ZNF875: variants seen among roughly 807,000 people sequenced by gnomAD.
ZNF875 encodes HKR1, GLI-Kruppel zinc finger family member.
A neutral mutation model predicts 11.2 loss-of-function variants in ZNF875; 14 were observed. The ratio of observed to expected loss-of-function variants is 1.26; its 90% CI spans 0.83 to 1.96. ZNF875 has a LOEUF of 1.96. ZNF875 is among the 30% of genes most tolerant of loss of function. The probability of loss-of-function intolerance (pLI) is 0.00; values close to 1 mark genes in which losing one functional copy is unlikely to be tolerated. For synonymous variants in ZNF875, 301 were observed against 281.1 expected (o/e 1.07, Z -0.71); for missense variants, 752 against 760.4 (o/e 0.99, Z 0.13).
rs577380112 is a variant in ZNF875 at position 37,335,294 on chromosome 19, A to G, written c.33+37A>G. 3 of 685,600 alleles carry G rather than the reference A, an allele frequency of 4.4e-6. No homozygotes were observed. In the East Asian group the frequency reaches 8.2e-5, roughly 19 times the overall value. 42.5% of individuals were successfully genotyped at this position (685,600 alleles called of 1,614,324 possible). ...CTGTAATTCTATCTTGGCTGTCAAC[A>G]GAATGGGTCCCATTACCTTTTCTTG... On this transcript the variant is annotated intron_variant, in intron 2 of 4. Coordinates refer to ENST00000392153, the MANE Select transcript of ZNF875 (RefSeq NM_001353803.2).
intron 3 of ZNF875, 73 bp downstream of exon 3, chr19:37,347,389 C>T (rs2037020650): frequency 7.2e-7 from 1 of 1,393,048 alleles, no homozygotes; most frequent in African/African-American, 1.4e-5. Flanking sequence ...GGAAGGGCTA[C>T]CTGCAGAGCA....
Position 37,347,856 on chromosome 19 carries a change from A to G in ZNF875, c.240A>G (p.Pro80=). 6.2e-7 allele frequency: 1 copy of G among 1,603,272 alleles called. No individual in the cohort carries two copies. Among genetic ancestry groups the G allele is most frequent in the Non-Finnish European group, 8.5e-7 (1 of 1,170,150 alleles). ...EAPWREERKC[P]LDLCPESKPE... ...CCTGGAGAGAGGAGAGAAAATGTCCACTGGACCTCTGTCCAGGTGAGTGTT... is the reference window on the plus strand; with the variant it reads ...CCTGGAGAGAGGAGAGAAAATGTCCGCTGGACCTCTGTCCAGGTGAGTGTT... Residue 80 remains proline (P), a synonymous_variant, in exon 4 of 5, where the codon CCA becomes CCG. Coordinates refer to ENST00000392153, the MANE Select transcript of ZNF875 (RefSeq NM_001353803.2).
At chr19:37,352,234 G>A (rs1239947570) in intron 4 of ZNF875, among the ~76,000 whole-genome samples, 1 of 134,592 alleles carries the variant, frequency 7.4e-6, no homozygotes, top group African/African-American at 2.9e-5. Flanking sequence ...TTTTTTTTTT[G>A]AGACAGAGTT....
intron 1 of ZNF875, 27 bp from the exon 2 acceptor site, chr19:37,335,142 C>A: frequency 1.4e-6 from 1 of 693,554 alleles, no homozygotes. Context: ...CCACCTAGGC[C>A]ACTCTTATTT....
chr19:37,363,934 A>G lies in ZNF875; in HGVS notation c.*159A>G, dbSNP rs996740906. 1 of 622,484 alleles carries G rather than the reference A, an allele frequency of 1.6e-6. No individual in the cohort carries two copies. The highest frequency in any genetic ancestry group is 3.1e-5 in the Admixed American group (1 of 32,520). 38.6% of individuals were successfully genotyped at this position (622,484 alleles called of 1,614,324 possible). The stretch of plus-strand genomic sequence containing the variant: ...GATTATGCATGAGACTGTACTGGTA[A>G]GACTTGTATCTCCATCCACCTGAAG... On this transcript the variant is annotated 3_prime_UTR_variant, in exon 5 of 5. Transcript: ENST00000392153.
upstream of ZNF875, among the ~76,000 whole-genome samples, chr19:37,329,745 A>C (rs978478805): frequency 6.6e-6 from 1 of 152,142 alleles, no homozygotes; most frequent in Non-Finnish European, 1.5e-5. Context: ...TTTCCCCCTC[A>C]CATTGGGCCC....
At chr19:37,347,708 G>A in intron 3 of ZNF875, 69 bp from the exon 4 acceptor site, 2 of 963,298 alleles carry the variant, frequency 2.1e-6, no homozygotes, top group Non-Finnish European at 1.7e-6. Flanking sequence ...ACCCATTTCA[G>A]CTCTGAGTTC....
chr19:37,321,961 G>C (rs2145683190), intron 1 of ZNF875, among the ~76,000 whole-genome samples: 1 of 152,270 alleles, frequency 6.6e-6, no homozygotes, highest in South Asian at 2.1e-4. Context: ...TTGTGTTTTT[G>C]GTAGTATATG....
chr19:37,329,873 G>A (rs1170273074), upstream of ZNF875, among the ~76,000 whole-genome samples: 3 of 152,026 alleles, frequency 2.0e-5, no homozygotes, highest in South Asian at 4.2e-4. Context: ...GGGTGTTGGT[G>A]CCATCCTGTG....
chr19:37,330,203 G>A (rs1429718112), upstream of ZNF875, among the ~76,000 whole-genome samples: 1 of 152,046 alleles, frequency 6.6e-6, no homozygotes, highest in Admixed American at 6.5e-5. Flanking sequence ...TTTCCATACA[G>A]TGTGGAATGT....
intron 2 of ZNF875, among the ~76,000 whole-genome samples, chr19:37,323,273 C>G (rs532119781): frequency 3.3e-5 from 5 of 152,142 alleles, no homozygotes; most frequent in African/African-American, 9.6e-5. Flanking sequence ...CTTGCCTCAG[C>G]CTCCAGAGTA....
At chr19:37,328,942 C>T (rs1460145798) in intron 4 of ZNF875, 1 of 152,146 alleles carries the variant, frequency 6.6e-6, no homozygotes, top group African/African-American at 2.4e-5. Flanking sequence ...GGTCCTTGGA[C>T]CAATAGTATC....
At chr19:37,349,013 G>A (rs2037356981) in intron 4 of ZNF875, among the ~76,000 whole-genome samples, 1 of 152,216 alleles carries the variant, frequency 6.6e-6, no homozygotes, top group Non-Finnish European at 1.5e-5. Context: ...CCTTTTGAGG[G>A]TTGTGAGGAA....
intron 4 of ZNF875, chr19:37,357,980 T>C: frequency 2.5e-6 from 1 of 398,482 alleles, no homozygotes. Context: ...GTTTCAGCTT[T>C]CGCCCATTCA....
At chr19:37,333,169 C>T (rs1483890579), upstream of ZNF875, among the ~76,000 whole-genome samples, 2 of 152,156 alleles carry the variant, frequency 1.3e-5, no homozygotes, top group Non-Finnish European at 2.9e-5. Flanking sequence ...TCTCTCTTTA[C>T]TCCCTTTGTA....
At chr19:37,315,336 C>G (rs1228142373), upstream of ZNF875, 3 of 152,152 alleles carry the variant, frequency 2.0e-5, no homozygotes, top group African/African-American at 7.2e-5. Context: ...TAAAATCCTC[C>G]GTTTTCACCA....
At chr19:37,344,567 G>A in intron 2 of ZNF875, 1 of 841,292 alleles carries the variant, frequency 1.2e-6, no homozygotes, top group Non-Finnish European at 2.0e-6. Context: ...GGCTTCTTGT[G>A]GCCTGTTGGT....
At position 37,357,776 on chromosome 19, in the gene ZNF875, T is replaced by C. The variant is rs117574724; in HGVS notation, c.257-4333T>C. Among the ~76,000 whole-genome samples, 956 of 152,204 alleles carry C rather than the reference T, an allele frequency of 6.3e-3. 25 individuals are homozygous for C. The highest frequency in any genetic ancestry group is 0.053 in the East Asian group (272 of 5,176). ...CTTTAGAGTTTTCTAGGTATAGGATTATTTTCTAGGTATAGGATTTTCTAG... is the reference window on the plus strand; with the variant it reads ...CTTTAGAGTTTTCTAGGTATAGGATCATTTTCTAGGTATAGGATTTTCTAG... On this transcript the variant is annotated intron_variant, in intron 4 of 4. Coordinates refer to ENST00000392153, the MANE Select transcript of ZNF875 (RefSeq NM_001353803.2).
At chr19:37,338,266 G>T (rs1382140188) in intron 2 of ZNF875, among the ~76,000 whole-genome samples, 1 of 152,172 alleles carries the variant, frequency 6.6e-6, no homozygotes. Flanking sequence ...GGGATTACAG[G>T]TGCATGCCAC....
Sources: allele counts gnomAD v4.1 joint callset (sites outside exome capture counted in the v4.1 genomes callset), GRCh38; gene constraint gnomAD v4.1.1; transcripts MANE v1.5; gene names NCBI Gene and HGNC (gene_info 2026-07-23, HGNC 2026-07-21).